Variants in SLC5A11 observed in about 807,000 individuals in gnomAD.
SLC5A11 encodes solute carrier family 5 member 11.
In SLC5A11, 48 loss-of-function variants were observed where a neutral mutation model predicts 69.8. The ratio of observed to expected loss-of-function variants is 0.69; its 90% CI spans 0.55 to 0.87. SLC5A11 has a LOEUF of 0.87. SLC5A11 is among the 40% of genes least tolerant of loss of function. The pLI is 0.00. For synonymous variants in SLC5A11, 319 were observed against 342.4 expected (o/e 0.93, Z 0.75); for missense variants, 784 against 866.1 (o/e 0.91, Z 1.19).
chr16:24,908,449 A>G (rs2050238576), intron 13 of SLC5A11, among the ~76,000 whole-genome samples: 1 of 151,952 alleles, frequency 6.6e-6, no homozygotes, highest in Admixed American at 6.6e-5. Flanking sequence ...AAATACAAAA[A>G]TTAGCCGGGT....
At chr16:24,851,969 T>TGG (rs2059327529) in intron 1 of SLC5A11, among the ~76,000 whole-genome samples, 2 of 140,064 alleles carry the variant, frequency 1.4e-5, no homozygotes, top group Admixed American at 1.5e-4. Flanking sequence ...CTTCCCTTGC[T>TGG]TCTCTCTCTC....
intron 9 of SLC5A11, among the ~76,000 whole-genome samples, chr16:24,892,490 A>G (rs558389320): frequency 6.6e-6 from 1 of 151,378 alleles, no homozygotes; most frequent in East Asian, 1.9e-4. Flanking sequence ...GCATTTGCTT[A>G]TATGTCCATA....
intron 2 of SLC5A11, among the ~76,000 whole-genome samples, chr16:24,860,144 A>C (rs1004526215): frequency 5.3e-5 from 8 of 152,146 alleles, no homozygotes; most frequent in Non-Finnish European, 1.2e-4. Context: ...AAAATTAGCC[A>C]GGTGTGGTGG....
At chr16:24,893,640 G>A (rs951756694) in intron 9 of SLC5A11, among the ~76,000 whole-genome samples, 3 of 151,912 alleles carry the variant, frequency 2.0e-5, no homozygotes, top group Admixed American at 6.6e-5. Flanking sequence ...GTGCAATCTC[G>A]GCTCACTGCA....
chr16:24,888,823 G>C (rs2048576800), intron 8 of SLC5A11, among the ~76,000 whole-genome samples: 1 of 124,584 alleles, frequency 8.0e-6, no homozygotes, highest in African/African-American at 3.2e-5. Context: ...CTGAGACGGA[G>C]TCTGGCTCTG....
intron 8 of SLC5A11, among the ~76,000 whole-genome samples, chr16:24,885,521 G>T (rs569612705): frequency 6.6e-6 from 1 of 151,970 alleles, no homozygotes; most frequent in Admixed American, 6.6e-5. Flanking sequence ...GGTGGCATGT[G>T]CCTGTAGTCC....
chr16:24,894,795 G>A (rs932211409), intron 9 of SLC5A11, among the ~76,000 whole-genome samples: 5 of 148,116 alleles, frequency 3.4e-5, no homozygotes, highest in East Asian at 2.0e-4. Context: ...GCGAGACTCC[G>A]TCCCAAAAAA....
intron 9 of SLC5A11, among the ~76,000 whole-genome samples, chr16:24,892,357 A>C (rs1012668548): frequency 6.6e-6 from 1 of 152,018 alleles, no homozygotes; most frequent in Non-Finnish European, 1.5e-5. Flanking sequence ...AGGAACACCC[A>C]GAGCGAGGCA....
intron 8 of SLC5A11, 127 bp from the exon 10 acceptor site, chr16:24,890,742 C>A: frequency 1.2e-6 from 1 of 842,202 alleles, no homozygotes; most frequent in African/African-American, 1.7e-5. Flanking sequence ...GGTTAAGAAC[C>A]CTTAAGGGGA....
At chr16:24,869,207 T>C (rs1308784652) in intron 3 of SLC5A11, among the ~76,000 whole-genome samples, 2 of 152,100 alleles carry the variant, frequency 1.3e-5, no homozygotes, top group African/African-American at 2.4e-5. Flanking sequence ...CCCCTGTCTC[T>C]GAACTGGCAG....
intron 2 of SLC5A11, among the ~76,000 whole-genome samples, chr16:24,861,810 AAAAG>A (rs56112358): frequency 4.0e-5 from 6 of 148,724 alleles, no homozygotes; most frequent in Admixed American, 2.0e-4. Context: ...AAGAAAAGAA[AAAAG>A]AAAGAAAAAA....
At chr16:24,889,166 A>G (rs1331375442) in intron 8 of SLC5A11, among the ~76,000 whole-genome samples, 1 of 152,192 alleles carries the variant, frequency 6.6e-6, no homozygotes, top group Non-Finnish European at 1.5e-5. Context: ...AAGAGAAAAC[A>G]GCATAATTAA....
chr16:24,902,891 T>C (rs777660576), intron 10 of SLC5A11, among the ~76,000 whole-genome samples: 6 of 152,198 alleles, frequency 3.9e-5, no homozygotes, highest in Non-Finnish European at 5.9e-5. Context: ...CCTAGGACTT[T>C]GTAATGTAGC....
At chr16:24,858,810 A>C in intron 2 of SLC5A11, 32 bp downstream of exon 3, 26 of 1,599,346 alleles carry the variant, frequency 1.6e-5, no homozygotes, top group Non-Finnish European at 2.2e-5. Context: ...TGGGGGATGA[A>C]GAGAGAAGGA....
intron 4 of SLC5A11, among the ~76,000 whole-genome samples, chr16:24,870,442 A>ACCACACACAC (rs71156449): frequency 0.076 from 10,637 of 140,494 alleles, 836 homozygotes; most frequent in East Asian, 0.26. Context: ...AACAAAAAAA[A>ACCACACACAC]ACACACACAC....
chr16:24,910,490 T>C lies in SLC5A11; in HGVS notation c.1822+13T>C, dbSNP rs774924381. ...AAAACCCACAGCTGTGAGTAGCTTC[T>C]CTCCTCAGTTACAGCAAGAAGGAGT... is the stretch of plus-strand genomic sequence containing the variant. On this transcript the variant is annotated intron_variant, in intron 15 of 15. Transcript: ENST00000347898. 6 of 1,612,566 alleles carry C rather than the reference T, an allele frequency of 3.7e-6. No individual in the cohort carries two copies. The East Asian group carries it at 1.1e-4, about 30-fold the overall frequency.
intron 4 of SLC5A11, among the ~76,000 whole-genome samples, chr16:24,870,781 C>CAAAAAAAAAA (rs57742222): frequency 1.5e-5 from 1 of 66,544 alleles, no homozygotes; most frequent in Non-Finnish European, 2.7e-5. Context: ...CTCTGTCTCA[C>CAAAAAAAAAA]AAAAAAAAAA....
intron 4 of SLC5A11, among the ~76,000 whole-genome samples, 197 bp downstream of exon 5, chr16:24,870,202 G>C (rs539027682): frequency 6.6e-6 from 1 of 151,950 alleles, no homozygotes; most frequent in Admixed American, 6.6e-5. Flanking sequence ...AGACCAGCCT[G>C]GCCAACGTGG....
intron 10 of SLC5A11, among the ~76,000 whole-genome samples, chr16:24,904,716 T>A (rs2049888279): frequency 6.6e-6 from 1 of 152,198 alleles, no homozygotes; most frequent in Admixed American, 6.5e-5. Context: ...TCCTGAGTTC[T>A]TGTGAGCCTG....
Sources: gnomAD v4.1 joint callset for allele counts (sites outside exome capture counted in the v4.1 genomes callset) on GRCh38, gnomAD v4.1.1 for gene constraint, MANE v1.5 for transcripts, NCBI Gene and HGNC (gene_info 2026-07-23, HGNC 2026-07-21) for gene names.